The following ADAMTS18 variants were observed in gnomAD, a reference collection of about 807,000 sequenced individuals.
The protein encoded by ADAMTS18 is ADAM metallopeptidase with thrombospondin type 1 motif 18.
ADAMTS18 carries 157 observed loss-of-function variants against 165.9 expected under a neutral mutation model. That is an observed-to-expected ratio of 0.95 (90% CI 0.83 to 1.08). The LOEUF is 1.08. ADAMTS18 is among the 50% of genes least tolerant of loss of function. The probability of loss-of-function intolerance (pLI) is 0.00; values close to 1 mark genes in which losing one functional copy is unlikely to be tolerated. For missense variants in ADAMTS18, 2,040 were observed against 1,534.0 expected (o/e 1.33, Z -5.51); for synonymous variants, 782 against 578.2 (o/e 1.35, Z -5.06).
At chr16:77,320,799 G>A (rs992600751) in intron 15 of ADAMTS18, among the ~76,000 whole-genome samples, 4 of 152,184 alleles carry the variant, frequency 2.6e-5, no homozygotes, top group Non-Finnish European at 4.4e-5. Flanking sequence ...GTTTCACAAT[G>A]TTTCTTTGCT....
chr16:77,429,576 G>A (rs1439468659), intron 3 of ADAMTS18, among the ~76,000 whole-genome samples: 1 of 152,006 alleles, frequency 6.6e-6, no homozygotes, highest in Non-Finnish European at 1.5e-5. Flanking sequence ...TTGTACCCCT[G>A]AACCTAAAAG....
intron 3 of ADAMTS18, among the ~76,000 whole-genome samples, chr16:77,390,174 T>C (rs556950218): frequency 1.3e-5 from 2 of 152,222 alleles, no homozygotes; most frequent in East Asian, 3.9e-4. Context: ...TCAGAAGCTA[T>C]TGCCTGGGTT....
At chr16:77,369,313 T>G (rs1008260372) in intron 3 of ADAMTS18, among the ~76,000 whole-genome samples, 1 of 152,242 alleles carries the variant, frequency 6.6e-6, no homozygotes, top group African/African-American at 2.4e-5. Flanking sequence ...ACTTTTACAT[T>G]CTTTTTTCAG....
At chr16:77,313,028 A>G (rs1033925328) in intron 16 of ADAMTS18, among the ~76,000 whole-genome samples, 2 of 152,222 alleles carry the variant, frequency 1.3e-5, no homozygotes, top group Non-Finnish European at 2.9e-5. Context: ...ACAATAGCAA[A>G]GACTCGGAAC....
In ADAMTS18 at chr16:77,367,713, A is replaced by T; in HGVS notation, c.506T>A (p.Ile169Lys). 6.2e-7 allele frequency: 1 copy of T among 1,614,196 alleles called. No homozygotes were observed. Among genetic ancestry groups the T allele is most frequent in the Non-Finnish European group, 8.5e-7 (1 of 1,180,034 alleles). The change falls in exon 4 of 23, where the codon ATA becomes AAA. Residue 169 changes from isoleucine (I) to lysine (K), a missense_variant. Coordinates refer to ENST00000282849, the MANE Select transcript of ADAMTS18 (RefSeq NM_199355.4). ...VSTCAGLSGL[I>K]RTRKNEFLIS... Reference sequence around the variant, plus strand: ...GAGGAATTCATTTTTTCGTGTCCTTATTAAACCTGACTAAAAAGCCAAACA... The same window carrying T: ...GAGGAATTCATTTTTTCGTGTCCTTTTTAAACCTGACTAAAAAGCCAAACA...
chr16:77,361,093 A>G (rs1427603593), intron 7 of ADAMTS18, among the ~76,000 whole-genome samples: 2 of 105,456 alleles, frequency 1.9e-5, no homozygotes, highest in Non-Finnish European at 4.5e-5. Context: ...TCTCAAAAAA[A>G]TAAAAAAAAT....
At chr16:77,322,543 A>G in intron 13 of ADAMTS18, 77 bp from the exon 14 acceptor site, 1 of 1,544,292 alleles carries the variant, frequency 6.5e-7, no homozygotes, top group Non-Finnish European at 8.9e-7. Context: ...AAAAGAATGA[A>G]TTAAATTTAC....
chr16:77,342,784 C>T (rs1453469130), intron 10 of ADAMTS18, among the ~76,000 whole-genome samples: 1 of 152,162 alleles, frequency 6.6e-6, no homozygotes, highest in East Asian at 1.9e-4. Context: ...GTTACAGATG[C>T]AATTGAGGTC....
At position 77,319,831 on chromosome 16, in the gene ADAMTS18, T is replaced by C. The variant is rs1282155525; in HGVS notation, c.2532+18A>G. On this transcript the variant is annotated intron_variant, in intron 16 of 22. Transcript: ENST00000282849. ...GTAGCAAGAAGCACTGAGAACTGAA[T>C]ACACAGAAGGGGCTTACTTCAAAGA... 4.5e-5 allele frequency: 72 copies of C among 1,613,820 alleles called. No homozygotes were observed. The Admixed American group carries it at 9.3e-4, about 21-fold the overall frequency.
intron 16 of ADAMTS18, among the ~76,000 whole-genome samples, chr16:77,317,280 T>C (rs2055904510): frequency 6.6e-6 from 1 of 152,222 alleles, no homozygotes. Flanking sequence ...CCCAGTTTAC[T>C]GTCAATGTGA....
At chr16:77,409,101 A>T (rs2057429003) in intron 3 of ADAMTS18, among the ~76,000 whole-genome samples, 1 of 152,162 alleles carries the variant, frequency 6.6e-6, no homozygotes, top group African/African-American at 2.4e-5. Flanking sequence ...TGGGTGCAGT[A>T]CCATCTGCAG....
chr16:77,375,986 C>T (rs1597193066), intron 3 of ADAMTS18, among the ~76,000 whole-genome samples: 1 of 149,056 alleles, frequency 6.7e-6, no homozygotes, highest in African/African-American at 2.5e-5. Flanking sequence ...TCACTGCAAC[C>T]GCTGCCTCCC....
Position 77,321,306 on chromosome 16 carries a change from AAGCAGTAC to A in ADAMTS18, c.2164-112_2164-105del, listed in dbSNP as rs1466594220. 3 of 1,462,170 alleles carry A rather than the reference AAGCAGTAC, an allele frequency of 2.1e-6. No homozygotes were observed. The Admixed American group carries it at 5.3e-5, about 26-fold the overall frequency. 90.6% of individuals were successfully genotyped at this position (1,462,170 alleles called of 1,614,324 possible). On this transcript the variant is annotated intron_variant, in intron 14 of 22. Transcript: ENST00000282849. ...TCTCTGTATTTACAGAACATTAGGG[AAGCAGTAC>A]AGCTTATGGTTAAAAATCACAGCCT...
intron 10 of ADAMTS18, among the ~76,000 whole-genome samples, chr16:77,346,018 A>T (rs1343020609): frequency 6.6e-6 from 1 of 152,162 alleles, no homozygotes; most frequent in Non-Finnish European, 1.5e-5. Context: ...TGGCTCCCTG[A>T]TGCTCTGCCA....
At chr16:77,340,420 C>A (rs1408702182) in intron 11 of ADAMTS18, among the ~76,000 whole-genome samples, 2 of 152,116 alleles carry the variant, frequency 1.3e-5, no homozygotes, top group Non-Finnish European at 2.9e-5. Context: ...AGGGATCCAC[C>A]CACCTTGGCC....
intron 2 of ADAMTS18, among the ~76,000 whole-genome samples, chr16:77,432,758 C>T (rs577777823): frequency 3.8e-4 from 53 of 139,816 alleles, no homozygotes; most frequent in Admixed American, 2.1e-3. Context: ...AACAACCTTC[C>T]CCCTCCTCCA....
intron 3 of ADAMTS18, among the ~76,000 whole-genome samples, chr16:77,372,781 G>C (rs2056894871): frequency 6.6e-6 from 1 of 152,122 alleles, no homozygotes; most frequent in Non-Finnish European, 1.5e-5. Context: ...CATGCTGGTA[G>C]ATGCTCGCGT....
rs2057775913 is a variant in ADAMTS18 at position 77,434,670 on chromosome 16, C to T, written c.26G>A (p.Cys9Tyr). Residue 9 changes from cysteine (C) to tyrosine (Y), a missense_variant, in exon 1 of 23, where the codon TGT (cysteine) becomes TAT (tyrosine). Physicochemically the swap from Cys to Tyr is radical, Grantham distance 194. Transcript: ENST00000282849. MECALLLA[C>Y]AFPAAGSGPP... is the part of the protein sequence containing the mutation. ...GCCCGAACCCGCAGCCGGGAAGGCACACGCGAGCAGGAGGGCGCACTCCAT... is the reference window on the plus strand; with the variant it reads ...GCCCGAACCCGCAGCCGGGAAGGCATACGCGAGCAGGAGGGCGCACTCCAT... 1.4e-6 allele frequency: 2 copies of T among 1,479,296 alleles called. No individual in the cohort carries two copies. Among genetic ancestry groups the T allele is most frequent in the South Asian group, 1.3e-5 (1 of 78,546 alleles). The allele number at this position is 1,479,296 out of a possible 1,614,324, so 91.6% of individuals were successfully genotyped here.
Position 77,317,058 on chromosome 16 carries a change from A to G in ADAMTS18, c.2532+2791T>C, listed in dbSNP as rs149942738. Among the ~76,000 whole-genome samples, 507 of 152,228 alleles carry G rather than the reference A, an allele frequency of 3.3e-3. 1 individual carries two copies. The highest frequency in any genetic ancestry group is 0.012 in the African/African-American group (488 of 41,544). On this transcript the variant is annotated intron_variant, in intron 16 of 22. Transcript: ENST00000282849. The stretch of plus-strand genomic sequence containing the variant: ...TCTCATCCTTCAAGTTTCACCTCAC[A>G]TGGTAATTCTCAGATAATTCCTCAC...
Sources: gnomAD v4.1 joint callset for allele counts (sites outside exome capture counted in the v4.1 genomes callset) on GRCh38, gnomAD v4.1.1 for gene constraint, MANE v1.5 for transcripts, NCBI Gene and HGNC (gene_info 2026-07-23, HGNC 2026-07-21) for gene names.